The following NFIA variants were observed in gnomAD, a reference collection of about 807,000 sequenced individuals.
The protein encoded by NFIA is nuclear factor I A.
NFIA carries 8 observed loss-of-function variants against 62.8 expected under a neutral mutation model. That is an observed-to-expected ratio of 0.13 (90% CI 0.07 to 0.23). The LOEUF is 0.23. Ranked by LOEUF, NFIA falls within the 10% of genes least tolerant of loss-of-function variation. NFIA has a pLI of 1.00. For synonymous variants in NFIA, 235 were observed against 238.1 expected (o/e 0.99, Z 0.12); for missense variants, 410 against 642.1 (o/e 0.64, Z 3.91).
intron 2 of NFIA, among the ~76,000 whole-genome samples, chr1:61,170,147 C>G (rs1036459036): frequency 6.6e-6 from 1 of 152,112 alleles, no homozygotes; most frequent in African/African-American, 2.4e-5. Flanking sequence ...CCCTGGAGAT[C>G]CTCATGCATA....
intron 10 of NFIA, among the ~76,000 whole-genome samples, chr1:61,440,333 A>C (rs1277822423): frequency 6.6e-6 from 1 of 152,234 alleles, no homozygotes. Context: ...ATACTAATCA[A>C]CTATATTATT....
intron 2 of NFIA, among the ~76,000 whole-genome samples, chr1:61,254,796 T>C (rs1008660491): frequency 6.6e-6 from 1 of 152,240 alleles, no homozygotes; most frequent in Non-Finnish European, 1.5e-5. Flanking sequence ...ACACCCTTCC[T>C]CTGCTACATT....
intron 2 of NFIA, among the ~76,000 whole-genome samples, chr1:61,108,293 G>T (rs1646638878): frequency 6.6e-6 from 1 of 151,406 alleles, no homozygotes; most frequent in Admixed American, 6.6e-5. Flanking sequence ...CATTTATTTA[G>T]ATCTTATTCT....
chr1:61,409,771 G>T (rs1216122480), intron 9 of NFIA, among the ~76,000 whole-genome samples: 1 of 152,180 alleles, frequency 6.6e-6, no homozygotes, highest in African/African-American at 2.4e-5. Context: ...GAAGGTGCGG[G>T]TGGCAGTGTG....
At chr1:61,210,477 T>C (rs1180647418) in intron 2 of NFIA, among the ~76,000 whole-genome samples, 1 of 152,220 alleles carries the variant, frequency 6.6e-6, no homozygotes, top group Non-Finnish European at 1.5e-5. Context: ...TATGAGAGGA[T>C]GTAAGATCCT....
At chr1:61,238,854 C>A (rs549412962) in intron 2 of NFIA, among the ~76,000 whole-genome samples, 1 of 152,222 alleles carries the variant, frequency 6.6e-6, no homozygotes, top group East Asian at 1.9e-4. Flanking sequence ...TGATAGCTGT[C>A]ACAGCTCTCC....
chr1:61,253,720 C>T (rs913612622), intron 2 of NFIA, among the ~76,000 whole-genome samples: 4 of 152,154 alleles, frequency 2.6e-5, no homozygotes, highest in African/African-American at 9.7e-5. Flanking sequence ...AAAGAGACCT[C>T]AATTTTTGAA....
chr1:61,109,142 A>G (rs1646653464), intron 2 of NFIA, among the ~76,000 whole-genome samples: 1 of 151,694 alleles, frequency 6.6e-6, no homozygotes, highest in African/African-American at 2.4e-5. Flanking sequence ...TCCTCATGTA[A>G]TTTTTGTTAA....
At chr1:61,211,899 G>A (rs1224453719) in intron 2 of NFIA, among the ~76,000 whole-genome samples, 1 of 152,118 alleles carries the variant, frequency 6.6e-6, no homozygotes, top group Non-Finnish European at 1.5e-5. Flanking sequence ...GTTTTGCCAT[G>A]TTGCCCAGGC....
chr1:61,146,389 C>T (rs565430280), intron 2 of NFIA, among the ~76,000 whole-genome samples: 15 of 152,276 alleles, frequency 9.9e-5, no homozygotes, highest in African/African-American at 3.6e-4. Context: ...TCCAGTGTCC[C>T]TGGGCTGAGC....
rs1175714690 is a variant in NFIA, at chr1:61,462,237, G to A, written c.*6917G>A. 6.6e-6 allele frequency: 1 copy of A among 151,940 alleles called. No individual in the cohort carries two copies. Among genetic ancestry groups the A allele is most frequent in the Non-Finnish European group, 1.5e-5 (1 of 68,016 alleles). 9.4% of individuals were successfully genotyped at this position (151,940 alleles called of 1,614,324 possible). A position where few individuals can be genotyped will look rare whatever the true frequency, so the allele number is the denominator to read the frequency against. ...GATACTAACTAGACCTAGACTAGGA[G>A]CTTTATCAGGTTCTAGGAGGTCCTT... On this transcript the variant is annotated 3_prime_UTR_variant, in exon 11 of 11. Transcript: ENST00000403491.
rs116681077 is a variant in NFIA at position 61,203,424 on chromosome 1, A to G, written c.560-74096A>G. Among the ~76,000 whole-genome samples the G allele has an allele frequency of 7.1e-3, 1,084 of 152,224 alleles. 8 individuals carry two copies. The highest frequency in any genetic ancestry group is 0.024 in the African/African-American group (977 of 41,546). On this transcript the variant is annotated intron_variant, in intron 2 of 10. Transcript: ENST00000403491. ...CCACCCTCCCTTATTTATAAAACAG[A>G]AGTATCTTTTGAGCCCGCTGTGCCC...
intron 9 of NFIA, among the ~76,000 whole-genome samples, chr1:61,420,970 C>G (rs1480649368): frequency 6.6e-6 from 1 of 152,242 alleles, no homozygotes; most frequent in African/African-American, 2.4e-5. Context: ...TGCAATTTCT[C>G]TATCTTCTCC....
intron 3 of NFIA, among the ~76,000 whole-genome samples, chr1:61,285,613 TC>T (rs1658437146): frequency 6.6e-6 from 1 of 152,136 alleles, no homozygotes; most frequent in East Asian, 1.9e-4. Flanking sequence ...GCAACTCTTT[TC>T]CCCCTGGCAT....
chr1:61,185,970 C>T (rs1651149716), intron 2 of NFIA, among the ~76,000 whole-genome samples: 1 of 152,156 alleles, frequency 6.6e-6, no homozygotes, highest in Non-Finnish European at 1.5e-5. Context: ...ATGCAAACTA[C>T]GTTTACTACC....
At chr1:61,425,122 C>T (rs1192916303) in intron 9 of NFIA, among the ~76,000 whole-genome samples, 2 of 152,152 alleles carry the variant, frequency 1.3e-5, no homozygotes, top group African/African-American at 4.8e-5. Flanking sequence ...TGTTCAGTGC[C>T]GTTTTAACAC....
At chr1:61,221,608 ATGG>A (rs1248251891) in intron 2 of NFIA, among the ~76,000 whole-genome samples, 4 of 152,172 alleles carry the variant, frequency 2.6e-5, no homozygotes, top group Non-Finnish European at 4.4e-5. Context: ...GTGAAGATAA[ATGG>A]TGGATTTTAA....
intron 2 of NFIA, among the ~76,000 whole-genome samples, chr1:61,205,881 A>G (rs1418158066): frequency 8.0e-6 from 1 of 125,734 alleles, no homozygotes; most frequent in East Asian, 2.6e-4. Context: ...CTGAGGTTTT[A>G]CTCTTTTTAT....
At chr1:61,146,136 A>G (rs953846378) in intron 2 of NFIA, among the ~76,000 whole-genome samples, 5 of 152,178 alleles carry the variant, frequency 3.3e-5, no homozygotes, top group Non-Finnish European at 5.9e-5. Context: ...TCTTCACTGC[A>G]TCACTGCATT....
Sources: gnomAD v4.1 joint callset for allele counts (sites outside exome capture counted in the v4.1 genomes callset) on GRCh38, gnomAD v4.1.1 for gene constraint, MANE v1.5 for transcripts, NCBI Gene and HGNC (gene_info 2026-07-23, HGNC 2026-07-21) for gene names.